Variants in PELI3 observed in about 807,000 individuals in gnomAD.
PELI3 encodes pellino E3 ubiquitin protein ligase family member 3.
A neutral mutation model predicts 35.5 loss-of-function variants in PELI3; 19 were observed. The observed-to-expected ratio is 0.54, with a 90% CI of 0.37 to 0.79. The LOEUF (loss-of-function observed/expected upper bound fraction) is 0.79. Ranked by LOEUF, PELI3 falls within the 30% of genes least tolerant of loss-of-function variation. The probability of loss-of-function intolerance (pLI) is 0.00; values close to 1 mark genes in which losing one functional copy is unlikely to be tolerated. For synonymous variants in PELI3, 262 were observed against 279.2 expected, an observed-to-expected ratio of 0.94 and a Z score of 0.62; for missense variants, 490 against 661.2, an observed-to-expected ratio of 0.74 and a Z score of 2.84.
At chr11:66,472,600 C>A in intron 5 of PELI3, 130 bp downstream of exon 5, 1 of 709,070 alleles carries the variant, frequency 1.4e-6, no homozygotes. Flanking sequence ...CAGGATGTCC[C>A]GGTGTGGGCT....
At chr11:66,474,157 G>A in intron 7 of PELI3, 1 of 687,144 alleles carries the variant, frequency 1.5e-6, no homozygotes, top group Non-Finnish European at 2.6e-6. Context: ...TGGAGGTCCA[G>A]GGGGTGATGC....
Position 66,475,949 on chromosome 11 carries a change from C to T in PELI3, c.1192C>T (p.Leu398Phe), listed in dbSNP as rs774321848. 1.2e-6 allele frequency: 2 copies of T among 1,611,708 alleles called. No homozygotes were observed. The highest frequency in any genetic ancestry group is 1.7e-6 in the Non-Finnish European group (2 of 1,179,582). ...TGTGGGGCCTTATGTGCCTCTATGG[C>T]TTGGCCAGGAGGCCGGCCTCTGCCT... ...RLVGPYVPLW[L>F]GQEAGLCLDP... The change falls in exon 8 of 8, where the codon CTT becomes TTT. Residue 398 changes from leucine (L) to phenylalanine (F), a missense_variant. Physicochemically the swap from Leu to Phe is conservative, Grantham distance 22. Coordinates refer to ENST00000320740, the MANE Select transcript of PELI3 (RefSeq NM_145065.3).
chr11:66,469,183 G>T (rs907342352), intron 3 of PELI3, among the ~76,000 whole-genome samples: 1 of 150,674 alleles, frequency 6.6e-6, no homozygotes, highest in African/African-American at 2.4e-5. Flanking sequence ...CAGTCCTAAA[G>T]AAACTATTTG....
chr11:66,476,369 G>C lies in PELI3; in HGVS notation c.*202G>C. On this transcript the variant is annotated 3_prime_UTR_variant, in exon 8 of 8. Transcript: ENST00000320740. ...TCTCCACCCCAGTCATGCTGATGGG[G>C]CCTTCAGCACCAGCTCTGTCCTGGG... is the stretch of plus-strand genomic sequence containing the variant. 1.6e-6 allele frequency: 1 copy of C among 618,194 alleles called. No homozygotes were observed. Among genetic ancestry groups the C allele is most frequent in the Non-Finnish European group, 2.8e-6 (1 of 355,780 alleles). 38.3% of individuals were successfully genotyped at this position (618,194 alleles called of 1,614,324 possible).
intron 4 of PELI3, 94 bp downstream of exon 4, chr11:66,471,465 AC>A (rs1854714107): frequency 1.3e-6 from 2 of 1,482,568 alleles, no homozygotes; most frequent in Non-Finnish European, 1.8e-6. Flanking sequence ...CAGCCCCCAC[AC>A]CTTAACAGGG....
rs1390560527 is a variant in PELI3, at chr11:66,473,126, A to C, written c.457-115A>C. On this transcript the variant is annotated intron_variant, in intron 5 of 7. Transcript: ENST00000320740. This position sits in a 1 kb window ranked among gnomAD's most constrained non-coding sequence, Gnocchi z 5.8. ...TGCTGCCCCTTCTCCAGGGCCTGGC[A>C]GCCTCCTTTTTTGGTGACCTTGCAT... The C allele has an allele frequency of 1.9e-6, 2 of 1,079,638 alleles. No individual in the cohort carries two copies. Among genetic ancestry groups the C allele is most frequent in the African/African-American group, 3.2e-5 (2 of 63,338 alleles). The allele number at this position is 1,079,638 out of a possible 1,614,324, so 66.9% of individuals were successfully genotyped here.
chr11:66,466,815 T>G (rs1157467033), upstream of PELI3: 1 of 145,468 alleles, frequency 6.9e-6, no homozygotes, highest in Non-Finnish European at 1.5e-5. Flanking sequence ...GAGGCGGAGC[T>G]CTCCTAGGGG....
chr11:66,472,601 G>T, intron 5 of PELI3, 131 bp downstream of exon 5: 1 of 703,338 alleles, frequency 1.4e-6, no homozygotes, highest in Non-Finnish European at 2.4e-6. Context: ...AGGATGTCCC[G>T]GTGTGGGCTG....
Position 66,473,274 on chromosome 11 carries a change from G to A in PELI3, c.490G>A (p.Val164Met). The A allele has an allele frequency of 6.2e-7, 1 of 1,613,180 alleles. No homozygotes were observed. The highest frequency in any genetic ancestry group is 8.5e-7 in the Non-Finnish European group (1 of 1,179,760). The change falls in exon 6 of 8, where the codon GTG becomes ATG. Residue 164 changes from valine to methionine, a missense_variant. Val to Met is a conservative substitution (Grantham distance 21). Around this residue, in one of 3 missense-constraint regions of PELI3, gnomAD observed 349 missense variants for 484.8 expected, o/e 0.72. Transcript: ENST00000320740. The surrounding 1 kb of genome is among the most constrained non-coding windows in gnomAD (Gnocchi z 5.8). ...GRSTENMIDF[V>M]VTDTSPGGGA... Reference sequence around the variant, plus strand: ...CTCCACAGAGAACATGATTGACTTCGTGGTAACAGACACGTCCCCTGGAGG... The same window carrying A: ...CTCCACAGAGAACATGATTGACTTCATGGTAACAGACACGTCCCCTGGAGG...
chr11:66,468,364 C>CA, intron 2 of PELI3, 84 bp downstream of exon 2: 2 of 1,309,028 alleles, frequency 1.5e-6, no homozygotes, highest in Non-Finnish European at 2.0e-6. Flanking sequence ...CTCCTCCCCC[C>CA]ACATAGGGCC....
At chr11:66,468,605 G>T (rs561164476) in intron 2 of PELI3, among the ~76,000 whole-genome samples, 1 of 152,318 alleles carries the variant, frequency 6.6e-6, no homozygotes, top group Admixed American at 6.5e-5. Flanking sequence ...AAAACTGCTT[G>T]GTTCAAATCC....
upstream of PELI3, chr11:66,466,445 G>A (rs970118688): frequency 2.0e-5 from 3 of 152,410 alleles, no homozygotes; most frequent in Admixed American, 6.5e-5. Flanking sequence ...GTCCCCAGAT[G>A]GTAGGCGGGG....
chr11:66,469,123 C>A (rs1357001401), intron 3 of PELI3, among the ~76,000 whole-genome samples: 1 of 152,154 alleles, frequency 6.6e-6, no homozygotes, highest in African/African-American at 2.4e-5. Flanking sequence ...CAGGGACAGA[C>A]CCTCTTCCTC....
chr11:66,474,978 G>C (rs917448420), intron 7 of PELI3: 1 of 152,352 alleles, frequency 6.6e-6, no homozygotes, highest in South Asian at 2.1e-4. Flanking sequence ...TGATGCGCTC[G>C]TCTCGGCCTC....
chr11:66,474,727 A>AT (rs1285419951), intron 7 of PELI3: 3 of 151,394 alleles, frequency 2.0e-5, no homozygotes, highest in African/African-American at 7.3e-5. Flanking sequence ...CCATTTATTT[A>AT]TTTATTTATT....
rs1198839632 is a variant in PELI3, at chr11:66,476,487, G to A, written c.*320G>A. 8 of 374,124 alleles carry A rather than the reference G, an allele frequency of 2.1e-5. No homozygotes were observed. Among genetic ancestry groups the A allele is most frequent in the Non-Finnish European group, 3.9e-5 (8 of 205,496 alleles). The allele number at this position is 374,124 out of a possible 1,614,324, so 23.2% of individuals were successfully genotyped here. ...CTGTGTGCCCCTGGGGGAGTGAAGG[G>A]GCCAGGGGCCTTTGACCCCCAGCTT... On this transcript the variant is annotated 3_prime_UTR_variant, in exon 8 of 8. Coordinates refer to ENST00000320740, the MANE Select transcript of PELI3 (RefSeq NM_145065.3).
At chr11:66,469,497 C>T (rs1854643034) in intron 3 of PELI3, among the ~76,000 whole-genome samples, 1 of 152,258 alleles carries the variant, frequency 6.6e-6, no homozygotes, top group Admixed American at 6.5e-5. Context: ...ACCTGCCCCC[C>T]ATGTGTGAGA....
chr11:66,473,164 C>T lies in PELI3; in HGVS notation c.457-77C>T. On this transcript the variant is annotated intron_variant, in intron 5 of 7. Transcript: ENST00000320740. This position sits in a 1 kb window ranked among gnomAD's most constrained non-coding sequence, Gnocchi z 5.8. ...GGTGACCTTGCATACAGAGCAGCTG[C>T]TGGTACTCTGGGAGGGAAGGCCCAT... The T allele has an allele frequency of 7.1e-7, 1 of 1,408,058 alleles. No homozygotes were observed. Among genetic ancestry groups the T allele is most frequent in the Non-Finnish European group, 9.6e-7 (1 of 1,039,540 alleles). 87.2% of individuals were successfully genotyped at this position (1,408,058 alleles called of 1,614,324 possible).
chr11:66,468,750 G>A (rs762349480), intron 2 of PELI3, 83 bp from the exon 3 acceptor site: 20 of 740,156 alleles, frequency 2.7e-5, no homozygotes, highest in African/African-American at 6.9e-5. Flanking sequence ...ATAGAACAGC[G>A]CCTAGCACAT....
Sources: gnomAD v4.1 joint callset for allele counts (sites outside exome capture counted in the v4.1 genomes callset) on GRCh38, gnomAD v4.1.1 for gene constraint, gnomAD v4.1.1 regional missense constraint, Gnocchi (gnomAD v3.1) non-coding constraint, MANE v1.5 for transcripts, NCBI Gene and HGNC (gene_info 2026-07-23, HGNC 2026-07-21) for gene names.